The following MCU variants were observed in gnomAD, a reference collection of about 807,000 sequenced individuals.
MCU encodes mitochondrial calcium uniporter.
In MCU, 12 loss-of-function variants were observed where a neutral mutation model predicts 45.2. That is an observed-to-expected ratio of 0.27 (90% CI 0.17 to 0.43). The LOEUF is 0.43. Ranked by LOEUF, MCU falls within the 20% of genes least tolerant of loss-of-function variation. The pLI is 1.00. For missense variants in MCU, 324 were observed against 436.7 expected (o/e 0.74, Z 2.30); for synonymous variants, 160 against 165.1 (o/e 0.97, Z 0.24).
chr10:72,810,163 T>C (rs779255689), intron 1 of MCU, among the ~76,000 whole-genome samples: 13 of 152,130 alleles, frequency 8.5e-5, no homozygotes, highest in Middle Eastern at 6.8e-3. Context: ...GAAGTAAAGG[T>C]ATTCACCTTG....
chr10:72,852,433 G>A (rs923361807), intron 2 of MCU, among the ~76,000 whole-genome samples: 5 of 152,058 alleles, frequency 3.3e-5, no homozygotes, highest in African/African-American at 9.7e-5. Context: ...AATTCAAATC[G>A]TACATCCATG....
At chr10:72,770,809 T>G (rs1470423897) in intron 1 of MCU, among the ~76,000 whole-genome samples, 1 of 152,126 alleles carries the variant, frequency 6.6e-6, no homozygotes, top group Non-Finnish European at 1.5e-5. Context: ...TATATATATA[T>G]TATCCTATAT....
chr10:72,835,858 A>G (rs950824568), intron 2 of MCU, among the ~76,000 whole-genome samples: 7 of 152,216 alleles, frequency 4.6e-5, no homozygotes, highest in African/African-American at 1.7e-4. Flanking sequence ...TGTTGCCCCC[A>G]GTCAAGAGTC....
In MCU at chr10:72,775,626, C is replaced by T. The variant is rs539038308; in HGVS notation, c.151-58733C>T. ...CTTTTAAAAAGATAACCAATATCAA[C>T]AAATCTTTAGCTAGTCTACAAAGGA... On this transcript the variant is annotated intron_variant, in intron 1 of 7. Coordinates refer to ENST00000373053, the MANE Select transcript of MCU (RefSeq NM_138357.3). 4.6e-5 allele frequency among the ~76,000 whole-genome samples: 7 copies of T among 151,968 alleles called. No homozygotes were observed. In the East Asian group the frequency reaches 1.4e-3, roughly 29 times the overall value.
intron 1 of MCU, among the ~76,000 whole-genome samples, chr10:72,764,735 G>C (rs977228252): frequency 2.0e-5 from 3 of 152,088 alleles, no homozygotes; most frequent in African/African-American, 7.2e-5. Flanking sequence ...TCTACTCAGA[G>C]TAACTAAGAA....
At chr10:72,809,699 C>T (rs941818017) in intron 1 of MCU, among the ~76,000 whole-genome samples, 1 of 151,992 alleles carries the variant, frequency 6.6e-6, no homozygotes, top group African/African-American at 2.4e-5. Context: ...ACTTGAAGTT[C>T]TAAGAAAGGT....
chr10:72,794,200 C>T (rs1447634982), intron 1 of MCU, among the ~76,000 whole-genome samples: 1 of 152,154 alleles, frequency 6.6e-6, no homozygotes, highest in Non-Finnish European at 1.5e-5. Context: ...AGTCATTCCT[C>T]TTGATTTGAA....
At chr10:72,766,573 T>A (rs554463466) in intron 1 of MCU, 1 of 152,284 alleles carries the variant, frequency 6.6e-6, no homozygotes, top group East Asian at 1.9e-4. Context: ...CTAAAAAAAA[T>A]TCCTTTCTCA....
At chr10:72,878,210 C>T (rs896816262) in intron 6 of MCU, among the ~76,000 whole-genome samples, 1 of 149,362 alleles carries the variant, frequency 6.7e-6, no homozygotes, top group Non-Finnish European at 1.5e-5. Context: ...CCTCATACTC[C>T]CAGGCTCAAG....
chr10:72,843,434 T>C (rs1366462803), intron 2 of MCU, among the ~76,000 whole-genome samples: 1 of 152,192 alleles, frequency 6.6e-6, no homozygotes, highest in Non-Finnish European at 1.5e-5. Flanking sequence ...TTGACATCTT[T>C]CACTTAGTAA....
At chr10:72,762,928 G>A (rs896967097) in intron 1 of MCU, among the ~76,000 whole-genome samples, 2 of 152,102 alleles carry the variant, frequency 1.3e-5, no homozygotes, top group African/African-American at 2.4e-5. Flanking sequence ...CGTGTCTTCA[G>A]GGATGTGTTC....
chr10:72,877,484 A>G (rs1210538510), intron 6 of MCU, among the ~76,000 whole-genome samples: 5 of 152,132 alleles, frequency 3.3e-5, no homozygotes, highest in Non-Finnish European at 5.9e-5. Flanking sequence ...CCCTTTAGCT[A>G]TCAGTCATCC....
chr10:72,708,208 C>T (rs911841006), intron 1 of MCU: 4 of 152,062 alleles, frequency 2.6e-5, no homozygotes, highest in Non-Finnish European at 4.4e-5. Flanking sequence ...CCTTGTATTC[C>T]CCTTAAACAG....
intron 1 of MCU, chr10:72,715,999 A>G: frequency 1.7e-6 from 1 of 573,550 alleles, no homozygotes; most frequent in Non-Finnish European, 2.2e-6. Flanking sequence ...CTATGTTGCC[A>G]GTTGATTTTT....
chr10:72,804,444 AAAAC>A (rs765169074), intron 1 of MCU, among the ~76,000 whole-genome samples: 5 of 152,136 alleles, frequency 3.3e-5, no homozygotes, highest in African/African-American at 7.2e-5. Flanking sequence ...ATCCAGAAGA[AAAAC>A]AAAACATTTT....
chr10:72,705,612 G>A (rs891071040), intron 1 of MCU, among the ~76,000 whole-genome samples: 2 of 152,126 alleles, frequency 1.3e-5, no homozygotes, highest in Admixed American at 6.5e-5. Context: ...AAAGTCGGGA[G>A]TTCGAGACCA....
At chr10:72,816,350 T>G (rs1844626237) in intron 1 of MCU, among the ~76,000 whole-genome samples, 1 of 152,192 alleles carries the variant, frequency 6.6e-6, no homozygotes, top group Non-Finnish European at 1.5e-5. Context: ...TGAGATTTAT[T>G]CAGTTGTACA....
intron 1 of MCU, among the ~76,000 whole-genome samples, chr10:72,701,414 C>G (rs191917864): frequency 6.6e-5 from 10 of 152,176 alleles, no homozygotes; most frequent in Non-Finnish European, 1.3e-4. Context: ...CTGTACTGTT[C>G]TGGGTGTCAG....
At chr10:72,822,310 A>C (rs1395208799) in intron 1 of MCU, among the ~76,000 whole-genome samples, 1 of 152,166 alleles carries the variant, frequency 6.6e-6, no homozygotes, top group Non-Finnish European at 1.5e-5. Context: ...ACTACAGATC[A>C]AGAAAAAGTA....
Sources: gnomAD v4.1 joint callset for allele counts (sites outside exome capture counted in the v4.1 genomes callset) on GRCh38, gnomAD v4.1.1 for gene constraint, MANE v1.5 for transcripts, NCBI Gene and HGNC (gene_info 2026-07-23, HGNC 2026-07-21) for gene names.